The following PCDH11X variants were observed in gnomAD, a reference collection of about 807,000 sequenced individuals.
PCDH11X encodes the protein protocadherin 11 X-linked.
In PCDH11X, 18 loss-of-function variants were observed where a neutral mutation model predicts 53.3. The observed-to-expected ratio is 0.34, with a 90% CI of 0.23 to 0.50. The LOEUF (loss-of-function observed/expected upper bound fraction) is 0.50, where lower values mean the gene tolerates loss of function less well. Ranked by LOEUF, PCDH11X falls within the 20% of genes least tolerant of loss-of-function variation. The pLI, the probability that PCDH11X is intolerant of heterozygous loss-of-function variation, is 0.98. For synonymous variants in PCDH11X, 279 were observed against 393.3 expected, an observed-to-expected ratio of 0.71 and a Z score of 3.44; for missense variants, 570 against 1,032.4, an observed-to-expected ratio of 0.55 and a Z score of 6.14.
At chrX:92,157,929 A>G (rs1457722432) in intron 6 of PCDH11X, among the ~76,000 whole-genome samples, 1 of 112,107 alleles carries the variant, frequency 8.9e-6, no homozygotes, top group Non-Finnish European at 1.9e-5. Context: ...TAAAATATCA[A>G]GAAGGCCGGT....
intron 6 of PCDH11X, among the ~76,000 whole-genome samples, chrX:92,117,481 G>A (rs6522482): frequency 0.14 from 15,558 of 108,573 alleles, 1,381 homozygotes; most frequent in East Asian, 0.43. Context: ...TACTCTCTTT[G>A]TTCTCTTGAA....
At chrX:92,323,563 T>G (rs994985711) in intron 8 of PCDH11X, among the ~76,000 whole-genome samples, 1 of 110,712 alleles carries the variant, frequency 9.0e-6, no homozygotes. Flanking sequence ...TCTTTTTTTT[T>G]AATTTAATTT....
In PCDH11X at chrX:92,236,183, G is replaced by A. The variant is rs149181720; in HGVS notation, c.3115-26931G>A. Reference sequence around the variant, plus strand: ...AACATCGGAAGAACAAAGAATTAACGTACCATGGAGACTTAAGGCATGGTT... The same window carrying A: ...AACATCGGAAGAACAAAGAATTAACATACCATGGAGACTTAAGGCATGGTT... On this transcript the variant is annotated intron_variant, in intron 7 of 10. Coordinates refer to ENST00000682573, the MANE Select transcript of PCDH11X (RefSeq NM_032968.5). 3.9e-3 allele frequency among the ~76,000 whole-genome samples: 429 copies of A among 110,788 alleles called. 1 individual carries two copies. Among genetic ancestry groups the A allele is most frequent in the Non-Finnish European group, 5.2e-3 (275 of 52,767 alleles).
chrX:92,187,657 G>A (rs1413246911), intron 6 of PCDH11X, among the ~76,000 whole-genome samples: 1 of 111,586 alleles, frequency 9.0e-6, no homozygotes, highest in Non-Finnish European at 1.9e-5. Flanking sequence ...CAATACTGCT[G>A]AAATAACAGA....
intron 7 of PCDH11X, among the ~76,000 whole-genome samples, chrX:92,204,646 G>T (rs1158442050): frequency 8.9e-6 from 1 of 112,174 alleles, no homozygotes; most frequent in Non-Finnish European, 1.9e-5. Context: ...TCCAACCTCT[G>T]CCTGTTACCC....
intron 10 of PCDH11X, among the ~76,000 whole-genome samples, chrX:92,558,601 G>C (rs1295294914): frequency 9.0e-6 from 1 of 110,642 alleles, no homozygotes; most frequent in Non-Finnish European, 1.9e-5. Flanking sequence ...AAGGAGATAA[G>C]ATCAATTCTT....
intron 10 of PCDH11X, among the ~76,000 whole-genome samples, chrX:92,545,801 C>T (rs749777519): frequency 1.8e-5 from 2 of 109,554 alleles, no homozygotes; most frequent in Non-Finnish European, 3.8e-5. Context: ...TCAGTCTGAT[C>T]GAAAAATTAG....
intron 10 of PCDH11X, among the ~76,000 whole-genome samples, chrX:92,535,970 G>A (rs761041329): frequency 9.3e-6 from 1 of 107,213 alleles, no homozygotes; most frequent in Admixed American, 1.0e-4. Context: ...TCATTAAAAA[G>A]TATTTTGTTT....
intron 6 of PCDH11X, among the ~76,000 whole-genome samples, chrX:91,912,602 T>C (rs770939642): frequency 9.0e-6 from 1 of 111,223 alleles, no homozygotes; most frequent in South Asian, 3.9e-4. Context: ...CATCCTTGTA[T>C]TCCAGGGATA....
intron 6 of PCDH11X, among the ~76,000 whole-genome samples, chrX:91,922,040 G>C (rs1250358335): frequency 9.0e-6 from 1 of 110,782 alleles, no homozygotes; most frequent in African/African-American, 3.3e-5. Context: ...AAAATGTATA[G>C]TTTTTAAAAG....
chrX:92,456,852 G>A (rs1603331301), intron 9 of PCDH11X, among the ~76,000 whole-genome samples: 2 of 108,171 alleles, frequency 1.8e-5, no homozygotes, highest in African/African-American at 6.7e-5. Context: ...CATCTAAGAA[G>A]ATTGGTTCTC....
chrX:92,043,486 A>C lies in PCDH11X; in HGVS notation c.3034-157889A>C, dbSNP rs189889513. On this transcript the variant is annotated intron_variant, in intron 6 of 10. Transcript: ENST00000682573. ...TAGGAATACACATGTTTTACAAAATAAATACACTGATATTCTCTTAGTCTT... is the reference window on the plus strand; with the variant it reads ...TAGGAATACACATGTTTTACAAAATCAATACACTGATATTCTCTTAGTCTT... 5.4e-4 allele frequency among the ~76,000 whole-genome samples: 51 copies of C among 94,711 alleles called. 1 individual carries two copies. Among genetic ancestry groups the C allele is most frequent in the Non-Finnish European group, 8.8e-4 (45 of 50,881 alleles). 82.2% of individuals were successfully genotyped at this position (94,711 alleles called of 115,157 possible).
intron 6 of PCDH11X, among the ~76,000 whole-genome samples, chrX:91,998,965 G>A (rs1409042732): frequency 4.6e-5 from 5 of 109,152 alleles, no homozygotes; most frequent in Non-Finnish European, 9.5e-5. Flanking sequence ...CTAGGCTGTA[G>A]TGCAATGATG....
At chrX:92,204,319 A>T (rs866317653) in intron 7 of PCDH11X, among the ~76,000 whole-genome samples, 2 of 112,180 alleles carry the variant, frequency 1.8e-5, no homozygotes, top group African/African-American at 6.5e-5. Context: ...CCAAAATTTT[A>T]TGCTCTGCTT....
At chrX:91,872,033 C>A (rs907146386) in intron 5 of PCDH11X, among the ~76,000 whole-genome samples, 1 of 110,808 alleles carries the variant, frequency 9.0e-6, no homozygotes, top group Non-Finnish European at 1.9e-5. Context: ...GTAAATTATT[C>A]TTGCATGCAG....
At chrX:91,975,137 G>A (rs1159949431) in intron 6 of PCDH11X, among the ~76,000 whole-genome samples, 1 of 111,098 alleles carries the variant, frequency 9.0e-6, no homozygotes, top group East Asian at 2.8e-4. Flanking sequence ...ACCTACTGTA[G>A]TACTCTTCAG....
In PCDH11X at chrX:92,514,430, A is replaced by G. The variant is rs553321716; in HGVS notation, c.3367+46108A>G. The stretch of plus-strand genomic sequence containing the variant: ...TCTGGCTTAACAGTTTGAAGTGATC[A>G]AAATTAATACCTTTAAATCGCCCAC... On this transcript the variant is annotated intron_variant, in intron 10 of 10. Coordinates refer to ENST00000682573, the MANE Select transcript of PCDH11X (RefSeq NM_032968.5). 9.2e-4 allele frequency among the ~76,000 whole-genome samples: 100 copies of G among 108,771 alleles called. No individual in the cohort carries two copies. In the South Asian group the frequency reaches 0.016, roughly 18 times the overall value. 94.5% of individuals were successfully genotyped at this position (108,771 alleles called of 115,157 possible).
At chrX:91,987,479 C>T (rs980136222) in intron 6 of PCDH11X, among the ~76,000 whole-genome samples, 1 of 111,126 alleles carries the variant, frequency 9.0e-6, no homozygotes, top group African/African-American at 3.3e-5. Context: ...TGACAATGGA[C>T]AGGTGCTTAT....
intron 6 of PCDH11X, among the ~76,000 whole-genome samples, chrX:92,139,309 CTT>C (rs1466683614): frequency 1.3e-5 from 1 of 76,949 alleles, no homozygotes; most frequent in Non-Finnish European, 2.3e-5. Context: ...GAGTCTTGCT[CTT>C]GTCGCCCAGG....
Sources: gnomAD v4.1 joint callset for allele counts (sites outside exome capture counted in the v4.1 genomes callset) on GRCh38, gnomAD v4.1.1 for gene constraint, MANE v1.5 for transcripts, NCBI Gene and HGNC (gene_info 2026-07-23, HGNC 2026-07-21) for gene names.